Variants in GRIK2 observed in about 807,000 individuals in gnomAD.
GRIK2 encodes the protein glutamate ionotropic receptor kainate type subunit 2, also known as glutamate receptor ionotropic, kainate 2.
Under a neutral mutation model 100.3 loss-of-function variants are expected in GRIK2, and 32 were observed. That is an observed-to-expected ratio of 0.32 (90% CI 0.24 to 0.43). GRIK2 has a LOEUF of 0.43. GRIK2 is among the 20% of genes least tolerant of loss of function. The pLI, the probability that GRIK2 is intolerant of heterozygous loss-of-function variation, is 1.00. For missense variants in GRIK2, 843 were observed against 1,114.9 expected (o/e 0.76, Z 3.47); for synonymous variants, 417 against 389.4 (o/e 1.07, Z -0.83).
intron 11 of GRIK2, among the ~76,000 whole-genome samples, chr6:101,877,189 T>C (rs1485225853): frequency 6.6e-6 from 1 of 151,904 alleles, no homozygotes; most frequent in Non-Finnish European, 1.5e-5. Flanking sequence ...ACTTCACATA[T>C]ATATGTAGAG....
intron 7 of GRIK2, among the ~76,000 whole-genome samples, chr6:101,794,768 C>T (rs1780171604): frequency 6.6e-6 from 1 of 151,306 alleles, no homozygotes; most frequent in South Asian, 2.1e-4. Flanking sequence ...TATTGTGCTC[C>T]TTTAGAGGTG....
intron 14 of GRIK2, among the ~76,000 whole-genome samples, chr6:101,945,323 T>A (rs1006872507): frequency 6.6e-6 from 1 of 152,180 alleles, no homozygotes; most frequent in Non-Finnish European, 1.5e-5. Context: ...ATAATTTTTA[T>A]ATTGAGAATG....
At chr6:101,592,775 A>G (rs1778735086) in intron 2 of GRIK2, among the ~76,000 whole-genome samples, 1 of 151,350 alleles carries the variant, frequency 6.6e-6, no homozygotes, top group Non-Finnish European at 1.5e-5. Context: ...GAAGAAGTGG[A>G]AGATTAAAAC....
intron 7 of GRIK2, among the ~76,000 whole-genome samples, chr6:101,715,415 G>A (rs1166205837): frequency 6.6e-6 from 1 of 151,688 alleles, no homozygotes; most frequent in African/African-American, 2.4e-5. Context: ...GAGTTCCCTG[G>A]CAGACAGGAG....
At chr6:102,034,544 G>A (rs1434241311) in intron 14 of GRIK2, among the ~76,000 whole-genome samples, 4 of 151,230 alleles carry the variant, frequency 2.6e-5, no homozygotes, top group Non-Finnish European at 4.4e-5. Flanking sequence ...AGATGCTAAC[G>A]TTTTTCCTGT....
At chr6:101,997,400 AC>A in intron 14 of GRIK2, among the ~76,000 whole-genome samples, 1 of 152,204 alleles carries the variant, frequency 6.6e-6, no homozygotes, top group East Asian at 1.9e-4. Flanking sequence ...ATATGCTGGT[AC>A]TTTTAATATG....
intron 15 of GRIK2, among the ~76,000 whole-genome samples, chr6:102,041,563 T>C (rs957416127): frequency 6.6e-6 from 1 of 151,528 alleles, no homozygotes; most frequent in South Asian, 2.1e-4. Flanking sequence ...TCTTTGGCCT[T>C]TGTAGTCAGA....
chr6:101,426,411 C>T (rs770070360), intron 2 of GRIK2, among the ~76,000 whole-genome samples: 1 of 152,160 alleles, frequency 6.6e-6, no homozygotes, highest in Non-Finnish European at 1.5e-5. Context: ...CTATTGAACA[C>T]TAGAACTTAT....
chr6:101,874,387 G>A (rs1785658535), intron 11 of GRIK2, among the ~76,000 whole-genome samples: 1 of 152,104 alleles, frequency 6.6e-6, no homozygotes, highest in South Asian at 2.1e-4. Flanking sequence ...TGTCAGGTTT[G>A]TCAAAGATCA....
At chr6:101,662,844 A>G (rs1321935494) in intron 4 of GRIK2, among the ~76,000 whole-genome samples, 1 of 152,072 alleles carries the variant, frequency 6.6e-6, no homozygotes, top group Admixed American at 6.5e-5. Flanking sequence ...AACATATACC[A>G]TTTATATTTT....
intron 5 of GRIK2, among the ~76,000 whole-genome samples, chr6:101,679,973 C>G (rs1771122689): frequency 6.6e-6 from 1 of 152,106 alleles, no homozygotes; most frequent in East Asian, 1.9e-4. Context: ...ATCCTGACCT[C>G]GTGATCCACC....
At chr6:101,579,537 G>A (rs1316737896) in intron 2 of GRIK2, among the ~76,000 whole-genome samples, 1 of 143,550 alleles carries the variant, frequency 7.0e-6, no homozygotes, top group Non-Finnish European at 1.5e-5. Context: ...TCCTCACTTA[G>A]TCTATCTTTC....
At chr6:101,576,630 T>A (rs1355109253) in intron 2 of GRIK2, among the ~76,000 whole-genome samples, 1 of 152,000 alleles carries the variant, frequency 6.6e-6, no homozygotes, top group African/African-American at 2.4e-5. Context: ...GAAATGAATT[T>A]TTATATTGGT....
chr6:101,825,320 T>C (rs1440915751), intron 10 of GRIK2, among the ~76,000 whole-genome samples: 1 of 152,178 alleles, frequency 6.6e-6, no homozygotes, highest in Non-Finnish European at 1.5e-5. Flanking sequence ...TCATTCTTGC[T>C]CTGATAACTC....
intron 2 of GRIK2, among the ~76,000 whole-genome samples, chr6:101,506,705 A>T (rs2749058): frequency 0.6 from 91,591 of 151,976 alleles, 28,666 homozygotes; most frequent in African/African-American, 0.77. Context: ...TAGCTCATGA[A>T]GTATTTTAAA....
intron 2 of GRIK2, among the ~76,000 whole-genome samples, chr6:101,604,220 T>C (rs1023728662): frequency 6.6e-6 from 1 of 151,652 alleles, no homozygotes; most frequent in Non-Finnish European, 1.5e-5. Context: ...ATTAATACCA[T>C]TTGAAAACTC....
intron 12 of GRIK2, among the ~76,000 whole-genome samples, chr6:101,911,224 T>C (rs938643462): frequency 6.6e-6 from 1 of 151,384 alleles, no homozygotes; most frequent in South Asian, 2.1e-4. Flanking sequence ...AATCAGGAAG[T>C]TGGGGCTATA....
At position 101,941,761 on chromosome 6, in the gene GRIK2, A is replaced by G. The variant is rs1279380366; in HGVS notation, c.2085+13129A>G. Among the ~76,000 whole-genome samples the G allele has an allele frequency of 1.3e-5, 2 of 152,172 alleles. 1 individual carries two copies. On this transcript the variant is annotated intron_variant, in intron 14 of 16. Coordinates refer to ENST00000369134, the MANE Select transcript of GRIK2 (RefSeq NM_021956.5). ...TAAATAAGCAAAAGATCTTTAATTAATCAACTAAAAAATTGCCCATAGTTT... is the reference window on the plus strand; with the variant it reads ...TAAATAAGCAAAAGATCTTTAATTAGTCAACTAAAAAATTGCCCATAGTTT...
At chr6:102,021,172 TAAAGTA>T (rs890996394) in intron 14 of GRIK2, among the ~76,000 whole-genome samples, 5 of 151,778 alleles carry the variant, frequency 3.3e-5, no homozygotes, top group Non-Finnish European at 1.5e-5. Context: ...GACAAATAGT[TAAAGTA>T]AAAGTTCAAA....
Sources: allele counts gnomAD v4.1 joint callset (sites outside exome capture counted in the v4.1 genomes callset), GRCh38; gene constraint gnomAD v4.1.1; transcripts MANE v1.5; gene names NCBI Gene and HGNC (gene_info 2026-07-23, HGNC 2026-07-21).